Variants in LSP1 observed in about 807,000 individuals in gnomAD.
The protein encoded by LSP1 is lymphocyte specific protein 1.
LSP1 carries 32 observed loss-of-function variants against 49.3 expected under a neutral mutation model. The ratio of observed to expected loss-of-function variants is 0.65; its 90% confidence interval spans 0.49 to 0.87. LSP1 has a LOEUF of 0.87. Ranked by LOEUF, LSP1 falls within the 40% of genes least tolerant of loss-of-function variation. LSP1 has a pLI of 0.00. For missense variants in LSP1, 428 were observed against 442.6 expected (o/e 0.97, Z 0.30); for synonymous variants, 179 against 178.8 (o/e 1.00, Z -0.01).
At chr11:1,854,963 GGC>G (rs1417972415) in intron 1 of LSP1, among the ~76,000 whole-genome samples, 2 of 152,148 alleles carry the variant, frequency 1.3e-5, no homozygotes, top group African/African-American at 2.4e-5. Flanking sequence ...GAGCGGGCAT[GGC>G]CAAGGCACAG....
At chr11:1,879,970 T>C (rs1848468664) in intron 1 of LSP1, 117 bp from the exon 2 acceptor site, 1 of 1,284,394 alleles carries the variant, frequency 7.8e-7, no homozygotes. Flanking sequence ...ACTGACCTCG[T>C]GGACAGGGCT....
chr11:1,872,628 C>T (rs182305008), intron 1 of LSP1, among the ~76,000 whole-genome samples: 464 of 111,644 alleles, frequency 4.2e-3, no homozygotes, highest in Non-Finnish European at 5.6e-3. Context: ...CCCCGGTGCA[C>T]GCTGGTAGAG....
chr11:1,860,128 G>T (rs1847587999), intron 1 of LSP1, among the ~76,000 whole-genome samples: 1 of 152,182 alleles, frequency 6.6e-6, no homozygotes, highest in South Asian at 2.1e-4. Context: ...ATGAGCTTAT[G>T]AACCATGTCT....
At chr11:1,855,382 C>T (rs1324970525) in intron 1 of LSP1, among the ~76,000 whole-genome samples, 3 of 152,152 alleles carry the variant, frequency 2.0e-5, no homozygotes, top group African/African-American at 7.2e-5. Context: ...TCACAGAGTG[C>T]CAGGTACGCC....
intron 1 of LSP1, chr11:1,863,416 G>A (rs999125130): frequency 6.6e-6 from 1 of 152,286 alleles, no homozygotes; most frequent in African/African-American, 2.4e-5. Flanking sequence ...GGTGGCCCAG[G>A]ACTAATTGGG....
intron 10 of LSP1, chr11:1,890,339 G>T (rs771070839): frequency 1.4e-6 from 1 of 715,070 alleles, no homozygotes; most frequent in Non-Finnish European, 2.6e-6. Context: ...CCTCAGCAGC[G>T]TGCGGGGCTG....
intron 1 of LSP1, among the ~76,000 whole-genome samples, chr11:1,879,426 G>A (rs1424143201): frequency 6.6e-6 from 1 of 152,190 alleles, no homozygotes; most frequent in East Asian, 1.9e-4. Flanking sequence ...TGGGTGAGCC[G>A]ACCCTGTAAG....
rs183687045 is a variant in LSP1 at position 1,869,557 on chromosome 11, C to T, written c.54-10530C>T. On this transcript the variant is annotated intron_variant, in intron 1 of 10. Coordinates refer to ENST00000311604, the MANE Select transcript of LSP1 (RefSeq NM_002339.3). ...GGTCCCGGGCACTGCCCCTTGCCGCCGACCCCAGGTGTGGGAGGAGGGGTC... is the reference window on the plus strand; with the variant it reads ...GGTCCCGGGCACTGCCCCTTGCCGCTGACCCCAGGTGTGGGAGGAGGGGTC... The T allele has an allele frequency of 1.6e-3, 715 of 449,918 alleles. 9 individuals are homozygous for T. The highest frequency in any genetic ancestry group is 4.2e-4 in the Middle Eastern group (1 of 2,364). The allele number at this position is 449,918 out of a possible 1,614,324, so 27.9% of individuals were successfully genotyped here.
chr11:1,876,728 T>C lies in LSP1; in HGVS notation c.54-3359T>C, dbSNP rs1254531707. The C allele has an allele frequency of 1.0e-5, 8 of 768,334 alleles. No homozygotes were observed. The Admixed American group carries it at 3.9e-4, about 38-fold the overall frequency. The allele number at this position is 768,334 out of a possible 1,614,324, so 47.6% of individuals were successfully genotyped here. The stretch of plus-strand genomic sequence containing the variant: ...TGGGAGGTAGAAGTGGGGGTGGGGG[T>C]TTGTGGAGGAAGGAGAAGAAGGGCC... On this transcript the variant is annotated intron_variant, in intron 1 of 10. Transcript: ENST00000311604.
At chr11:1,885,150 T>C (rs1229697497) in intron 7 of LSP1, among the ~76,000 whole-genome samples, 2 of 150,972 alleles carry the variant, frequency 1.3e-5, no homozygotes, top group Non-Finnish European at 3.0e-5. Flanking sequence ...ATCCAATCAA[T>C]GTCCCTCCCA....
chr11:1,885,833 T>A (rs1380707882), intron 7 of LSP1, among the ~76,000 whole-genome samples: 1 of 151,824 alleles, frequency 6.6e-6, no homozygotes, highest in Non-Finnish European at 1.5e-5. Flanking sequence ...ACTTTACTCC[T>A]TCACCCAATC....
rs751030288 is a variant in LSP1, at chr11:1,883,574, C to T, written c.498+14C>T. Reference sequence around the variant, plus strand: ...GAACAGGAGGAGGTGATGGCTCCACCTCAGAGGGTCTGGGTGTACCCCCAC... The same window carrying T: ...GAACAGGAGGAGGTGATGGCTCCACTTCAGAGGGTCTGGGTGTACCCCCAC... On this transcript the variant is annotated intron_variant, in intron 4 of 10. Coordinates refer to ENST00000311604, the MANE Select transcript of LSP1 (RefSeq NM_002339.3). 6.3e-7 allele frequency: 1 copy of T among 1,598,566 alleles called. No homozygotes were observed. The highest frequency in any genetic ancestry group is 2.2e-5 in the East Asian group (1 of 44,578).
Position 1,886,786 on chromosome 11 carries a change from A to G in LSP1, c.772A>G (p.Met258Val), listed in dbSNP as rs1196917140. The G allele has an allele frequency of 6.2e-7, 1 of 1,611,906 alleles. No homozygotes were observed. ...ARQASIELPS[M>V]AVASTKSRWE... The stretch of plus-strand genomic sequence containing the variant: ...CCAGGCCTCCATAGAGCTGCCCAGC[A>G]TGGCTGTGGCCAGTACCAAGAGTCG... The change falls in exon 8 of 11, where the codon ATG becomes GTG. Residue 258 changes from methionine to valine, a missense_variant. Transcript: ENST00000311604.
At chr11:1,869,783 C>T (rs566020512) in intron 1 of LSP1, 20 of 420,430 alleles carry the variant, frequency 4.8e-5, no homozygotes, top group South Asian at 2.1e-4. Flanking sequence ...ATGGGGCGCC[C>T]CACAGAGGAG....
At chr11:1,856,883 G>A (rs1847503031) in intron 1 of LSP1, among the ~76,000 whole-genome samples, 1 of 152,226 alleles carries the variant, frequency 6.6e-6, no homozygotes, top group African/African-American at 2.4e-5. Context: ...GACTGCTCAG[G>A]AAAGAGGGCA....
intron 10 of LSP1, 116 bp downstream of exon 10, chr11:1,887,692 G>GAACCC: frequency 2.8e-6 from 2 of 721,090 alleles, no homozygotes; most frequent in South Asian, 3.5e-5. Flanking sequence ...GGTGGACTCC[G>GAACCC]AGTTGGCCAG....
chr11:1,879,959 G>A, intron 1 of LSP1, 128 bp from the exon 2 acceptor site: 1 of 1,164,228 alleles, frequency 8.6e-7, no homozygotes. Context: ...GCCGGCCTGG[G>A]ACTGACCTCG....
chr11:1,890,846 C>A, intron 10 of LSP1: 1 of 534,138 alleles, frequency 1.9e-6, no homozygotes, highest in Non-Finnish European at 3.4e-6. Context: ...GGGGCTAGAA[C>A]CTGCCTCCAG....
chr11:1,869,532 G>A (rs1240899795), intron 1 of LSP1: 1 of 423,718 alleles, frequency 2.4e-6, no homozygotes, highest in Admixed American at 2.5e-5. Flanking sequence ...GCTGTGTGAG[G>A]GTCCCGGGCA....
Sources: gnomAD v4.1 joint callset for allele counts (sites outside exome capture counted in the v4.1 genomes callset) on GRCh38, gnomAD v4.1.1 for gene constraint, MANE v1.5 for transcripts, NCBI Gene and HGNC (gene_info 2026-07-23, HGNC 2026-07-21) for gene names.